Variants in PDCD6IP observed in about 807,000 individuals in gnomAD.
PDCD6IP encodes programmed cell death 6 interacting protein, also known as programmed cell death 6-interacting protein.
PDCD6IP carries 43 observed loss-of-function variants against 103.7 expected under a neutral mutation model. That is an observed-to-expected ratio of 0.41 (90% CI 0.32 to 0.53). The LOEUF (loss-of-function observed/expected upper bound fraction) is 0.53. Ranked by LOEUF, PDCD6IP falls within the 20% of genes least tolerant of loss-of-function variation. The pLI, the probability that PDCD6IP is intolerant of heterozygous loss-of-function variation, is 0.16. For synonymous variants in PDCD6IP, 354 were observed against 378.7 expected (o/e 0.93, Z 0.76); for missense variants, 871 against 1,036.7 (o/e 0.84, Z 2.20).
intron 15 of PDCD6IP, among the ~76,000 whole-genome samples, chr3:33,862,908 C>T (rs1697984301): frequency 6.6e-6 from 1 of 152,148 alleles, no homozygotes; most frequent in African/African-American, 2.4e-5. Context: ...TGACACGTTT[C>T]TTACTCTAGC....
At chr3:33,835,147 T>A (rs1342863208) in intron 7 of PDCD6IP, 3 of 450,202 alleles carry the variant, frequency 6.7e-6, no homozygotes, top group African/African-American at 2.0e-5. Flanking sequence ...CCACCTAAAT[T>A]TGTATGCGGC....
intron 12 of PDCD6IP, 92 bp downstream of exon 12, chr3:33,845,680 A>G: frequency 1.1e-6 from 1 of 950,120 alleles, no homozygotes; most frequent in South Asian, 1.8e-5. Context: ...TCTTATTGTC[A>G]ACTTTAAAAA....
chr3:33,814,549 A>G (rs897765706), intron 3 of PDCD6IP, among the ~76,000 whole-genome samples: 1 of 149,288 alleles, frequency 6.7e-6, no homozygotes, highest in Non-Finnish European at 1.5e-5. Context: ...TATATGTGAT[A>G]TATGTATATT....
At chr3:33,846,786 T>C (rs1697601944) in intron 12 of PDCD6IP, among the ~76,000 whole-genome samples, 1 of 152,130 alleles carries the variant, frequency 6.6e-6, no homozygotes, top group South Asian at 2.1e-4. Flanking sequence ...CTGGAATCTG[T>C]TTGTTTATTT....
At chr3:33,843,769 T>A (rs554469369) in intron 10 of PDCD6IP, among the ~76,000 whole-genome samples, 2 of 152,244 alleles carry the variant, frequency 1.3e-5, no homozygotes, top group Admixed American at 1.3e-4. Flanking sequence ...TTTTTTAATG[T>A]AATTGATCAG....
chr3:33,826,717 AG>A, intron 6 of PDCD6IP, 137 bp downstream of exon 6: 4 of 1,189,704 alleles, frequency 3.4e-6, no homozygotes, highest in Non-Finnish European at 4.5e-6. Context: ...TAGTAGAAAT[AG>A]TTTTTTTTTT....
chr3:33,816,190 C>T (rs1247204261), intron 3 of PDCD6IP, among the ~76,000 whole-genome samples: 1 of 152,064 alleles, frequency 6.6e-6, no homozygotes, highest in Non-Finnish European at 1.5e-5. Flanking sequence ...TGGAGTAGGG[C>T]ACTGGAATTA....
At chr3:33,820,674 C>A (rs764047173) in intron 3 of PDCD6IP, among the ~76,000 whole-genome samples, 11 of 152,210 alleles carry the variant, frequency 7.2e-5, no homozygotes, top group Non-Finnish European at 1.6e-4. Context: ...CTTTTTGTGA[C>A]TGACATTTCA....
intron 13 of PDCD6IP, 57 bp from the exon 14 acceptor site, chr3:33,853,822 A>T (rs1273974048): frequency 1.1e-5 from 14 of 1,252,090 alleles, no homozygotes; most frequent in Non-Finnish European, 1.5e-5. Flanking sequence ...TAAAAATGTT[A>T]TGAGCTATAT....
At chr3:33,814,844 T>C (rs1162011113) in intron 3 of PDCD6IP, among the ~76,000 whole-genome samples, 2 of 128,118 alleles carry the variant, frequency 1.6e-5, no homozygotes, top group African/African-American at 5.7e-5. Flanking sequence ...TATATGCATG[T>C]ATTATTCATA....
intron 9 of PDCD6IP, among the ~76,000 whole-genome samples, chr3:33,839,836 A>G (rs1697430719): frequency 6.6e-6 from 1 of 152,178 alleles, no homozygotes; most frequent in Non-Finnish European, 1.5e-5. Context: ...TTTAGTTTGC[A>G]TTCTCCTAAT....
chr3:33,807,902 T>C (rs1346985927), intron 1 of PDCD6IP, among the ~76,000 whole-genome samples: 6 of 152,262 alleles, frequency 3.9e-5, no homozygotes, highest in Non-Finnish European at 7.3e-5. Flanking sequence ...TATAGCCATA[T>C]TGGCCTCCTT....
At chr3:33,826,205 A>G (rs1011749143) in intron 5 of PDCD6IP, among the ~76,000 whole-genome samples, 2 of 152,154 alleles carry the variant, frequency 1.3e-5, no homozygotes, top group African/African-American at 4.8e-5. Context: ...TAGTATATTC[A>G]TAGAGTTTTG....
intron 9 of PDCD6IP, among the ~76,000 whole-genome samples, chr3:33,839,256 T>A (rs1187351020): frequency 6.6e-6 from 1 of 152,226 alleles, no homozygotes; most frequent in African/African-American, 2.4e-5. Flanking sequence ...CTGCTCCCTG[T>A]CTTAAGTTTA....
Position 33,864,173 on chromosome 3 carries a change from C to T in PDCD6IP, c.2244+44C>T, listed in dbSNP as rs752551874. On this transcript the variant is annotated intron_variant, in intron 16 of 17. Transcript: ENST00000307296. ...ATTTTAAACAGAGGTTTTACATTAA[C>T]GATGATTACTTGTTCTAACGGATAA... is the stretch of plus-strand genomic sequence containing the variant. 30 of 1,113,934 alleles carry T rather than the reference C, an allele frequency of 2.7e-5. No homozygotes were observed. The Admixed American group carries it at 3.0e-4, about 11-fold the overall frequency. 69.0% of individuals were successfully genotyped at this position (1,113,934 alleles called of 1,614,324 possible). A position where few individuals can be genotyped will look rare whatever the true frequency, so the allele number is the denominator to read the frequency against.
At chr3:33,850,721 T>C (rs543920631) in intron 12 of PDCD6IP, among the ~76,000 whole-genome samples, 3 of 152,168 alleles carry the variant, frequency 2.0e-5, no homozygotes, top group East Asian at 1.9e-4. Flanking sequence ...TCGTCTGATA[T>C]CAAGTTCTGC....
At chr3:33,840,966 ACTGTAAG>A (rs764748895) in intron 9 of PDCD6IP, among the ~76,000 whole-genome samples, 1 of 152,030 alleles carries the variant, frequency 6.6e-6, no homozygotes, top group Non-Finnish European at 1.5e-5. Context: ...AGAAGTTTGA[ACTGTAAG>A]CCGACGATAC....
chr3:33,829,053 A>G, intron 7 of PDCD6IP, 84 bp downstream of exon 7: 1 of 1,182,392 alleles, frequency 8.5e-7, no homozygotes, highest in Non-Finnish European at 1.1e-6. Flanking sequence ...TTTGCCCATA[A>G]AAACCTTTCC....
chr3:33,866,392 C>A lies in PDCD6IP; in HGVS notation c.2474C>A (p.Ala825Glu). The A allele has an allele frequency of 6.2e-7, 1 of 1,604,194 alleles. No homozygotes were observed. Among genetic ancestry groups the A allele is most frequent in the Non-Finnish European group, 8.5e-7 (1 of 1,175,666 alleles). ...ATGCCCATGGGCTATAATCCTTATG[C>A]GTATGGCCAGTATAATATGCCATAT... is the stretch of plus-strand genomic sequence containing the variant. ...MPMPMGYNPY[A>E]YGQYNMPYPP... Residue 825 changes from alanine to glutamate, a missense_variant, in exon 18 of 18, where the codon GCG (alanine) becomes GAG (glutamate). Physicochemically the swap from Ala to Glu is moderately radical, Grantham distance 107. Coordinates refer to ENST00000307296, the MANE Select transcript of PDCD6IP (RefSeq NM_013374.6).
Sources: allele counts gnomAD v4.1 joint callset (sites outside exome capture counted in the v4.1 genomes callset), GRCh38; gene constraint gnomAD v4.1.1; transcripts MANE v1.5; gene names NCBI Gene and HGNC (gene_info 2026-07-23, HGNC 2026-07-21).